Variants in HAO1 observed in about 807,000 individuals in gnomAD.
HAO1 encodes 2-Hydroxyacid oxidase 1.
HAO1 carries 34 observed loss-of-function variants against 39.7 expected under a neutral mutation model. The ratio of observed to expected loss-of-function variants is 0.86; its 90% CI spans 0.65 to 1.14. The LOEUF (loss-of-function observed/expected upper bound fraction) is 1.14. Among genes scored for constraint, HAO1 ranks in the 50% most tolerant of loss-of-function variants. The probability of loss-of-function intolerance (pLI) is 0.00; values close to 1 mark genes in which losing one functional copy is unlikely to be tolerated. For missense variants in HAO1, 479 were observed against 464.5 expected (o/e 1.03, Z -0.29); for synonymous variants, 172 against 173.2 (o/e 0.99, Z 0.05).
chr20:7,920,861 C>A lies in HAO1; in HGVS notation c.290-6442G>T, dbSNP rs772932061. On this transcript the variant is annotated intron_variant, in intron 2 of 7. Transcript: ENST00000378789. ...GAAGTGCAGATATCTCTTCAACATG[C>A]TGATTTCAATTCCTCTCAATAAATA... 4.8e-4 allele frequency among the ~76,000 whole-genome samples: 73 copies of A among 152,216 alleles called. No homozygotes were observed. In the Middle Eastern group the frequency reaches 0.014, roughly 28 times the overall value.
chr20:7,923,792 A>C (rs1374469750), intron 2 of HAO1, among the ~76,000 whole-genome samples: 1 of 152,188 alleles, frequency 6.6e-6, no homozygotes, highest in Non-Finnish European at 1.5e-5. Flanking sequence ...ATTTCTAACA[A>C]GCTCCAGAGT....
chr20:7,916,440 A>G (rs2122779724), intron 2 of HAO1, among the ~76,000 whole-genome samples: 1 of 152,340 alleles, frequency 6.6e-6, no homozygotes, highest in African/African-American at 2.4e-5. Context: ...GCTGCTTATA[A>G]AGCTATAATG....
At chr20:7,928,468 T>C (rs931082021) in intron 2 of HAO1, among the ~76,000 whole-genome samples, 10 of 151,604 alleles carry the variant, frequency 6.6e-5, no homozygotes, top group African/African-American at 2.4e-4. Flanking sequence ...TTTTTGTTTT[T>C]GGAGATTTTT....
rs771927313 is a variant in HAO1 at position 7,934,529 on chromosome 20, T to A, written c.244A>T (p.Met82Leu). Residue 82 changes from methionine to leucine, a missense_variant, in exon 2 of 8, where the codon ATG (methionine) becomes TTG (leucine). Physicochemically the swap from Met to Leu is conservative, Grantham distance 15. Coordinates refer to ENST00000378789, the MANE Select transcript of HAO1 (RefSeq NM_017545.3). ...SMPICVGATAMQRMAHVDGEL... is the reference protein window; with the variant it reads ...SMPICVGATALQRMAHVDGEL... ...CCGTCCACATGAGCCATGCGCTGCA[T>A]GGCCGTAGCCCCCACACATATTGGC... 6.2e-7 allele frequency: 1 copy of A among 1,613,708 alleles called. No individual in the cohort carries two copies. The highest frequency in any genetic ancestry group is 2.2e-5 in the East Asian group (1 of 44,844).
chr20:7,918,382 T>C (rs928008755), intron 2 of HAO1, among the ~76,000 whole-genome samples: 26 of 152,212 alleles, frequency 1.7e-4, no homozygotes, highest in African/African-American at 6.3e-4. Context: ...GCCTATTTCT[T>C]AAGGACAGAT....
intron 5 of HAO1, among the ~76,000 whole-genome samples, chr20:7,889,237 A>C (rs1249544314): frequency 6.6e-6 from 1 of 151,644 alleles, no homozygotes; most frequent in Non-Finnish European, 1.5e-5. Context: ...GAACATCCCC[A>C]AGAACTTAAC....
chr20:7,901,188 A>T (rs1269789530), intron 4 of HAO1, among the ~76,000 whole-genome samples: 2 of 152,216 alleles, frequency 1.3e-5, no homozygotes, highest in Non-Finnish European at 2.9e-5. Flanking sequence ...AAGATGAAGC[A>T]GCTGAGGGCT....
At chr20:7,911,263 A>G (rs2050278278) in intron 3 of HAO1, among the ~76,000 whole-genome samples, 1 of 152,232 alleles carries the variant, frequency 6.6e-6, no homozygotes, top group Non-Finnish European at 1.5e-5. Context: ...AGTGTGATAT[A>G]TTCTGGCTGC....
chr20:7,932,369 C>T (rs1388707438), intron 2 of HAO1, among the ~76,000 whole-genome samples: 1 of 152,198 alleles, frequency 6.6e-6, no homozygotes, highest in Non-Finnish European at 1.5e-5. Flanking sequence ...GTGAGCTCTG[C>T]TTTTTGCTTT....
Position 7,900,688 on chromosome 20 carries a change from T to C in HAO1, c.722-5464A>G, listed in dbSNP as rs577760556. On this transcript the variant is annotated intron_variant, in intron 4 of 7. Transcript: ENST00000378789. ...CTCTCCCTCTCCTCAGGCCTCCCTATTCCCTGAGAAGCAACAATATTGAAA... is the reference window on the plus strand; with the variant it reads ...CTCTCCCTCTCCTCAGGCCTCCCTACTCCCTGAGAAGCAACAATATTGAAA... Among the ~76,000 whole-genome samples, 4 of 152,214 alleles carry C rather than the reference T, an allele frequency of 2.6e-5. No individual in the cohort carries two copies. The South Asian group carries it at 8.3e-4, about 32-fold the overall frequency.
chr20:7,911,437 G>C (rs1368700037), intron 3 of HAO1, among the ~76,000 whole-genome samples: 1 of 152,068 alleles, frequency 6.6e-6, no homozygotes, highest in Non-Finnish European at 1.5e-5. Flanking sequence ...CTTAATTCAG[G>C]GTAAATGAAC....
intron 2 of HAO1, among the ~76,000 whole-genome samples, chr20:7,923,182 T>C (rs2050342774): frequency 6.6e-6 from 1 of 152,120 alleles, no homozygotes; most frequent in South Asian, 2.1e-4. Flanking sequence ...TGCAGCTACC[T>C]CTGGGGACGC....
chr20:7,892,109 G>C (rs903021353), intron 5 of HAO1, among the ~76,000 whole-genome samples: 3 of 152,106 alleles, frequency 2.0e-5, no homozygotes, highest in African/African-American at 7.2e-5. Context: ...TTTTGAGACA[G>C]AGTCTCACTC....
intron 1 of HAO1, 48 bp downstream of exon 1, chr20:7,940,238 G>C (rs766819565): frequency 6.8e-7 from 1 of 1,466,986 alleles, no homozygotes; most frequent in South Asian, 1.2e-5. Flanking sequence ...TTTTGGTACG[G>C]TCTTTGTGTA....
In HAO1 at chr20:7,883,666, G is replaced by A. The variant is rs1568507150; in HGVS notation, c.1043-3C>T. On this transcript the variant is annotated splice_polypyrimidine_tract_variant and splice_region_variant and intron_variant, in intron 7 of 7. Coordinates refer to ENST00000378789, the MANE Select transcript of HAO1 (RefSeq NM_017545.3). Reference sequence around the variant, plus strand: ...GATGACTTTCACATTCTGGCACCCTGAAAAAATAATGCATACATTTAATAT... The same window carrying A: ...GATGACTTTCACATTCTGGCACCCTAAAAAAATAATGCATACATTTAATAT... 6.2e-7 allele frequency: 1 copy of A among 1,601,996 alleles called. No homozygotes were observed. Among genetic ancestry groups the A allele is most frequent in the Non-Finnish European group, 8.6e-7 (1 of 1,169,118 alleles).
chr20:7,893,248 G>C (rs2050182283), intron 5 of HAO1, among the ~76,000 whole-genome samples: 1 of 152,136 alleles, frequency 6.6e-6, no homozygotes, highest in South Asian at 2.1e-4. Context: ...TCGCCTAACT[G>C]ACTCCATCTT....
chr20:7,906,008 A>T, intron 4 of HAO1, 146 bp downstream of exon 4: 1 of 670,802 alleles, frequency 1.5e-6, no homozygotes, highest in Middle Eastern at 3.6e-4. Context: ...TTTACTCACT[A>T]ACATGAAAAC....
chr20:7,889,666 A>T (rs2122750155), intron 5 of HAO1, among the ~76,000 whole-genome samples: 1 of 152,348 alleles, frequency 6.6e-6, no homozygotes, highest in African/African-American at 2.4e-5. Flanking sequence ...ATTTCTCCAC[A>T]TAAGCAAACT....
At chr20:7,899,431 G>A (rs915325180) in intron 4 of HAO1, among the ~76,000 whole-genome samples, 3 of 152,202 alleles carry the variant, frequency 2.0e-5, no homozygotes, top group East Asian at 1.9e-4. Flanking sequence ...TGCAGGATGC[G>A]TTTGGCAACT....
Sources: allele counts gnomAD v4.1 joint callset (sites outside exome capture counted in the v4.1 genomes callset), GRCh38; gene constraint gnomAD v4.1.1; transcripts MANE v1.5; gene names NCBI Gene and HGNC (gene_info 2026-07-23, HGNC 2026-07-21).